URB2: variants seen among roughly 807,000 people sequenced by gnomAD.
URB2 encodes URB2 ribosome biogenesis homolog.
URB2 carries 86 observed loss-of-function variants against 120.9 expected under a neutral mutation model. That is an observed-to-expected ratio of 0.71 (90% CI 0.60 to 0.85). The LOEUF is 0.85. URB2 is among the 40% of genes least tolerant of loss of function. The pLI is 0.00. For missense variants in URB2, 1,765 were observed against 1,836.5 expected (o/e 0.96, Z 0.71); for synonymous variants, 755 against 758.4 (o/e 1.00, Z 0.07).
At chr1:229,633,293 T>A (rs965728698) in intron 3 of URB2, among the ~76,000 whole-genome samples, 19 of 152,206 alleles carry the variant, frequency 1.2e-4, no homozygotes, top group African/African-American at 4.3e-4. Context: ...AATAAACCAG[T>A]GGTCACCAAA....
chr1:229,651,122 T>C lies in URB2; in HGVS notation c.4150-113T>C, dbSNP rs936578014. 3 of 970,048 alleles carry C rather than the reference T, an allele frequency of 3.1e-6. No homozygotes were observed. The African/African-American group carries it at 5.0e-5, about 16-fold the overall frequency. The allele number at this position is 970,048 out of a possible 1,614,324, so 60.1% of individuals were successfully genotyped here. ...GCTATCCCTGGGCACACACAACTGG[T>C]TTGAGTGTCCCGATAGACTAGGCTA... On this transcript the variant is annotated intron_variant, in intron 7 of 9. Transcript: ENST00000258243.
chr1:229,646,352 A>G (rs183731234), intron 6 of URB2, among the ~76,000 whole-genome samples: 7 of 152,290 alleles, frequency 4.6e-5, no homozygotes, highest in Non-Finnish European at 1.0e-4. Flanking sequence ...TGAAGTGGCT[A>G]TTTGCAGTTG....
chr1:229,637,908 C>T lies in URB2; in HGVS notation c.3295C>T (p.Leu1099=). 2.5e-6 allele frequency: 4 copies of T among 1,609,228 alleles called. No individual in the cohort carries two copies. The highest frequency in any genetic ancestry group is 3.4e-6 in the Non-Finnish European group (4 of 1,178,074). Residue 1099 remains leucine (L), a synonymous_variant, in exon 4 of 10, where the codon CTG becomes TTG. Coordinates refer to ENST00000258243, the MANE Select transcript of URB2 (RefSeq NM_014777.4). ...QQVVLQTGAV[L]QLCSVPGARG... Reference sequence around the variant, plus strand: ...GGTTGTGCTGCAGACAGGAGCTGTGCTGCAGCTCTGCTCAGTGCCGGGGGC... The same window carrying T: ...GGTTGTGCTGCAGACAGGAGCTGTGTTGCAGCTCTGCTCAGTGCCGGGGGC...
chr1:229,660,177 C>T lies in URB2; in HGVS notation c.*880C>T, dbSNP rs975002900. 6 of 151,698 alleles carry T rather than the reference C, an allele frequency of 4.0e-5. No homozygotes were observed. Among genetic ancestry groups the T allele is most frequent in the Middle Eastern group, 3.4e-3 (1 of 294 alleles). 9.4% of individuals were successfully genotyped at this position (151,698 alleles called of 1,614,324 possible). ...AATATATATAGTAGCTAAATTGGAT[C>T]ATAAATGCATTTTTTTAAAGTTACC... On this transcript the variant is annotated 3_prime_UTR_variant, in exon 10 of 10. Coordinates refer to ENST00000258243, the MANE Select transcript of URB2 (RefSeq NM_014777.4).
At position 229,636,394 on chromosome 1, in the gene URB2, A is replaced by T. The variant is rs141203811; in HGVS notation, c.1781A>T (p.Glu594Val). ...CTTCTCCCGGACACCCCAGGCCCAG[A>T]GCCAGAGCTGTGGCTGCAGAAGGTC... Reference protein sequence around the residue: ...LALLPDTPGPEPELWLQKVSD... With the variant: ...LALLPDTPGPVPELWLQKVSD... The change falls in exon 4 of 10, where the codon GAG becomes GTG. Residue 594 changes from glutamate (E) to valine (V), a missense_variant. By Grantham distance (121) the Glu-to-Val change is moderately radical (BLOSUM62 -2). Coordinates refer to ENST00000258243, the MANE Select transcript of URB2 (RefSeq NM_014777.4). 7.9e-4 allele frequency: 1,275 copies of T among 1,614,252 alleles called. No homozygotes were observed. Among genetic ancestry groups the T allele is most frequent in the Non-Finnish European group, 9.9e-4 (1,169 of 1,180,040 alleles).
At chr1:229,652,709 G>A (rs775556448) in intron 8 of URB2, among the ~76,000 whole-genome samples, 10 of 152,362 alleles carry the variant, frequency 6.6e-5, no homozygotes, top group Non-Finnish European at 1.2e-4. Flanking sequence ...CTCCCATCAT[G>A]TCTGAGCTCA....
chr1:229,627,227 A>T (rs1665515520), intron 1 of URB2, among the ~76,000 whole-genome samples: 1 of 152,180 alleles, frequency 6.6e-6, no homozygotes, highest in Non-Finnish European at 1.5e-5. Flanking sequence ...CTTTCTCCGG[A>T]TATTGCTTAT....
At position 229,628,134 on chromosome 1, in the gene URB2, TA is replaced by T. The variant is rs765651522; in HGVS notation, c.126+377del. On this transcript the variant is annotated intron_variant, in intron 2 of 9. Coordinates refer to ENST00000258243, the MANE Select transcript of URB2 (RefSeq NM_014777.4). ...GTATATATATGTATATATACATATA[TA>T]ATATATATATAATATATATAGTATA... Among the ~76,000 whole-genome samples the T allele has an allele frequency of 8.8e-5, 12 of 136,578 alleles. No homozygotes were observed. The South Asian group carries it at 1.5e-3, about 17-fold the overall frequency. 89.6% of individuals were successfully genotyped at this position (136,578 alleles called of 152,430 possible).
intron 2 of URB2, among the ~76,000 whole-genome samples, chr1:229,628,180 TA>T (rs977821512): frequency 3.1e-5 from 3 of 96,500 alleles, no homozygotes; most frequent in Admixed American, 1.0e-4. Flanking sequence ...TATATGTATA[TA>T]ATATATATAA....
intron 2 of URB2, among the ~76,000 whole-genome samples, chr1:229,631,185 T>G (rs559556949): frequency 1.2e-4 from 19 of 152,272 alleles, no homozygotes; most frequent in Admixed American, 1.1e-3. Context: ...CTCTGGTAGC[T>G]TCTAGCTTTT....
At chr1:229,646,164 C>T (rs1395650930) in intron 6 of URB2, among the ~76,000 whole-genome samples, 195 bp downstream of exon 6, 2 of 152,054 alleles carry the variant, frequency 1.3e-5, no homozygotes, top group African/African-American at 2.4e-5. Flanking sequence ...ACGGTTGGAG[C>T]AGTGGAAGGG....
At chr1:229,639,124 A>G (rs1665937446) in intron 4 of URB2, among the ~76,000 whole-genome samples, 1 of 151,946 alleles carries the variant, frequency 6.6e-6, no homozygotes, top group South Asian at 2.1e-4. Context: ...GCAAAACCCC[A>G]TCTCTACAAA....
At chr1:229,653,640 G>A (rs1666334047) in intron 8 of URB2, among the ~76,000 whole-genome samples, 6 of 152,174 alleles carry the variant, frequency 3.9e-5, no homozygotes, top group Admixed American at 3.9e-4. Context: ...TAGGATTCTT[G>A]GGAGGAGTTT....
Position 229,626,315 on chromosome 1 carries a change from G to C in URB2, c.-55G>C, listed in dbSNP as rs913136578. 2 of 153,138 alleles carry C rather than the reference G, an allele frequency of 1.3e-5. No homozygotes were observed. The highest frequency in any genetic ancestry group is 2.9e-5 in the Non-Finnish European group (2 of 68,690). The allele number at this position is 153,138 out of a possible 1,614,324, so 9.5% of individuals were successfully genotyped here. On this transcript the variant is annotated 5_prime_UTR_variant, in exon 1 of 10. Transcript: ENST00000258243. Reference sequence around the variant, plus strand: ...GCCGCCGTCCTCCCCTGTCTACCCGGAGCTGTCTCGAGCTGAGCCCCCTAC... The same window carrying C: ...GCCGCCGTCCTCCCCTGTCTACCCGCAGCTGTCTCGAGCTGAGCCCCCTAC...
intron 2 of URB2, among the ~76,000 whole-genome samples, chr1:229,628,599 G>A (rs1389727989): frequency 1.3e-5 from 2 of 152,134 alleles, no homozygotes; most frequent in African/African-American, 4.8e-5. Flanking sequence ...TTAAACTGTT[G>A]GTTGGTGGTG....
At chr1:229,640,337 A>G (rs1665973590) in intron 4 of URB2, among the ~76,000 whole-genome samples, 1 of 152,228 alleles carries the variant, frequency 6.6e-6, no homozygotes, top group African/African-American at 2.4e-5. Flanking sequence ...TGTTACCTTT[A>G]TTAGGGTATA....
intron 4 of URB2, among the ~76,000 whole-genome samples, chr1:229,641,908 G>C (rs1004756098): frequency 1.3e-5 from 2 of 152,090 alleles, no homozygotes; most frequent in African/African-American, 4.8e-5. Context: ...TACTCCGAAG[G>C]CTGAGGCGAG....
chr1:229,656,529 T>A (rs1402202243), intron 9 of URB2, among the ~76,000 whole-genome samples: 1 of 152,250 alleles, frequency 6.6e-6, no homozygotes, highest in African/African-American at 2.4e-5. Context: ...AATTCAGCAA[T>A]GAAGAAAATA....
chr1:229,630,540 G>C (rs1665631943), intron 2 of URB2, among the ~76,000 whole-genome samples: 1 of 152,208 alleles, frequency 6.6e-6, no homozygotes, highest in Non-Finnish European at 1.5e-5. Flanking sequence ...AAACAGAGTA[G>C]ATTTAGCATA....
Sources: allele counts gnomAD v4.1 joint callset (sites outside exome capture counted in the v4.1 genomes callset), GRCh38; gene constraint gnomAD v4.1.1; transcripts MANE v1.5; gene names NCBI Gene and HGNC (gene_info 2026-07-23, HGNC 2026-07-21).